The following HTR4 variants were observed in gnomAD, a reference collection of about 807,000 sequenced individuals.
HTR4 encodes 5-hydroxytryptamine receptor 4.
Under a neutral mutation model 36.8 loss-of-function variants are expected in HTR4, and 16 were observed. The observed-to-expected ratio is 0.43, with a 90% confidence interval of 0.29 to 0.66. HTR4 has a LOEUF of 0.66. HTR4 is among the 30% of genes least tolerant of loss of function. The pLI is 0.13. For missense variants in HTR4, 438 were observed against 490.9 expected (o/e 0.89, Z 1.02); for synonymous variants, 189 against 185.1 (o/e 1.02, Z -0.17).
chr5:148,457,287 C>T (rs2113687999), intron 5 of HTR4, among the ~76,000 whole-genome samples: 1 of 152,276 alleles, frequency 6.6e-6, no homozygotes, highest in Admixed American at 6.5e-5. Flanking sequence ...TTAAAAAACA[C>T]TGCTGTTTCT....
At chr5:148,602,203 T>C (rs900464624) in intron 2 of HTR4, among the ~76,000 whole-genome samples, 7 of 152,184 alleles carry the variant, frequency 4.6e-5, no homozygotes, top group African/African-American at 1.7e-4. Flanking sequence ...GTCGTGTCTA[T>C]GGCCTTGAGT....
Position 148,558,093 on chromosome 5 carries a change from C to T in HTR4, c.27-7831G>A, listed in dbSNP as rs566528633. Among the ~76,000 whole-genome samples, 161 of 151,950 alleles carry T rather than the reference C, an allele frequency of 1.1e-3. 1 individual carries two copies. The highest frequency in any genetic ancestry group is 3.5e-3 in the African/African-American group (147 of 41,502). On this transcript the variant is annotated intron_variant, in intron 2 of 6. Coordinates refer to ENST00000377888, the MANE Select transcript of HTR4 (RefSeq NM_000870.7). Reference sequence around the variant, plus strand: ...ATACTCCCTATCTAAGTATTTTTTTCACCCTTCCTGCCCAGCCCTGCACAG... The same window carrying T: ...ATACTCCCTATCTAAGTATTTTTTTTACCCTTCCTGCCCAGCCCTGCACAG...
intron 5 of HTR4, among the ~76,000 whole-genome samples, chr5:148,463,907 T>G (rs192280926): frequency 2.4e-4 from 37 of 151,666 alleles, no homozygotes; most frequent in Non-Finnish European, 1.9e-4. Context: ...TGAAACAGTA[T>G]AGAGAGCCCA....
At chr5:148,475,362 G>T (rs1305596806), downstream of HTR4, among the ~76,000 whole-genome samples, 1 of 152,178 alleles carries the variant, frequency 6.6e-6, no homozygotes, top group Non-Finnish European at 1.5e-5. Context: ...TATGTGAAGT[G>T]TTTAGGTAGT....
chr5:148,475,789 T>C (rs745798957), downstream of HTR4, among the ~76,000 whole-genome samples: 6 of 152,222 alleles, frequency 3.9e-5, no homozygotes, highest in Admixed American at 6.5e-5. Context: ...CAGTGAGAGC[T>C]TACTGTATGC....
intron 2 of HTR4, among the ~76,000 whole-genome samples, chr5:148,598,150 A>G (rs1438965543): frequency 6.6e-6 from 1 of 152,132 alleles, no homozygotes; most frequent in African/African-American, 2.4e-5. Flanking sequence ...GGGTATGTGC[A>G]CAGGAGAGTC....
At chr5:148,458,104 C>A (rs1419795783) in intron 5 of HTR4, among the ~76,000 whole-genome samples, 11 of 51,666 alleles carry the variant, frequency 2.1e-4, no homozygotes, top group African/African-American at 4.2e-4. Flanking sequence ...ATTTTAATAT[C>A]TATTAAATAG....
At chr5:148,574,586 C>T (rs1056669736) in intron 2 of HTR4, among the ~76,000 whole-genome samples, 1 of 152,074 alleles carries the variant, frequency 6.6e-6, no homozygotes, top group African/African-American at 2.4e-5. Flanking sequence ...ATTTGATTCA[C>T]TTTGTGTCCA....
intron 1 of HTR4, among the ~76,000 whole-genome samples, chr5:148,643,443 G>T (rs1408941810): frequency 1.3e-5 from 2 of 152,052 alleles, no homozygotes; most frequent in Non-Finnish European, 2.9e-5. Flanking sequence ...CAAAGGCAGA[G>T]ATTTTTTTCC....
At chr5:148,484,256 T>C in intron 6 of HTR4, 1 of 1,612,042 alleles carries the variant, frequency 6.2e-7, no homozygotes, top group Non-Finnish European at 8.5e-7. Context: ...AGAATCATAG[T>C]TACCCCAAGA....
At chr5:148,500,482 G>A (rs1756887139) in intron 6 of HTR4, among the ~76,000 whole-genome samples, 1 of 151,956 alleles carries the variant, frequency 6.6e-6, no homozygotes, top group Non-Finnish European at 1.5e-5. Context: ...AGTATTTTAA[G>A]AAGGAAGCTA....
At position 148,484,323 on chromosome 5, in the gene HTR4, C is replaced by G. The variant is rs894068495; in HGVS notation, c.1077-1030G>C. On this transcript the variant is annotated intron_variant, in intron 6 of 6. Transcript: ENST00000377888. ...CAATGTGCCTGAGAATGGACCCGCT[C>G]TGGCAGGCTTTGTCCAATACCTTGC... 1.2e-5 allele frequency: 20 copies of G among 1,613,494 alleles called. No homozygotes were observed. The highest frequency in any genetic ancestry group is 1.7e-5 in the Non-Finnish European group (20 of 1,179,794).
intron 4 of HTR4, among the ~76,000 whole-genome samples, chr5:148,525,143 A>G (rs1048510814): frequency 1.3e-5 from 2 of 152,192 alleles, no homozygotes; most frequent in African/African-American, 4.8e-5. Flanking sequence ...CTGCAAAATC[A>G]AACTAAAGAT....
At chr5:148,593,301 T>C (rs1185141688) in intron 2 of HTR4, among the ~76,000 whole-genome samples, 1 of 152,184 alleles carries the variant, frequency 6.6e-6, no homozygotes, top group African/African-American at 2.4e-5. Context: ...TTTCATGATA[T>C]TTTCTTGGCT....
At chr5:148,515,790 A>C (rs1043056583) in intron 5 of HTR4, among the ~76,000 whole-genome samples, 1 of 151,810 alleles carries the variant, frequency 6.6e-6, no homozygotes, top group African/African-American at 2.4e-5. Context: ...TTCTAGATAT[A>C]GTTTTCTTCT....
At chr5:148,457,844 T>G (rs1335706855) in intron 5 of HTR4, among the ~76,000 whole-genome samples, 1 of 141,054 alleles carries the variant, frequency 7.1e-6, no homozygotes, top group Non-Finnish European at 1.5e-5. Flanking sequence ...TTTTGTTATA[T>G]CATTAAAATA....
In HTR4 at chr5:148,573,472, G is replaced by T. The variant is rs145391443; in HGVS notation, c.27-23210C>A. On this transcript the variant is annotated intron_variant, in intron 2 of 6. Transcript: ENST00000377888. ...CATCTCAAATGTTCCCATTTTACAT[G>T]CTAGAGGGAAATAGAACGTGGGGGG... 2.3e-3 allele frequency among the ~76,000 whole-genome samples: 343 copies of T among 152,132 alleles called. 5 individuals carry two copies. The highest frequency in any genetic ancestry group is 7.4e-3 in the African/African-American group (309 of 41,496).
intron 2 of HTR4, among the ~76,000 whole-genome samples, chr5:148,569,415 C>T (rs890924802): frequency 6.6e-6 from 1 of 151,918 alleles, no homozygotes; most frequent in Non-Finnish European, 1.5e-5. Context: ...GGCTTAATGC[C>T]TATGTGATGA....
At chr5:148,451,458 T>C (rs1387638363) in intron 5 of HTR4, among the ~76,000 whole-genome samples, 1 of 152,070 alleles carries the variant, frequency 6.6e-6, no homozygotes. Flanking sequence ...CCCAGATTAC[T>C]CATATTAAAT....
Sources: allele counts gnomAD v4.1 joint callset (sites outside exome capture counted in the v4.1 genomes callset), GRCh38; gene constraint gnomAD v4.1.1; transcripts MANE v1.5; gene names NCBI Gene and HGNC (gene_info 2026-07-23, HGNC 2026-07-21).